Variants in CCDC3 observed in about 807,000 individuals in gnomAD.
CCDC3 encodes the protein coiled-coil domain containing 3.
Under a neutral mutation model 21.4 loss-of-function variants are expected in CCDC3, and 24 were observed. The ratio of observed to expected loss-of-function variants is 1.12; its 90% CI spans 0.81 to 1.58. The LOEUF (loss-of-function observed/expected upper bound fraction) is 1.58. Among genes scored for constraint, CCDC3 ranks in the 40% most tolerant of loss-of-function variants. CCDC3 has a pLI of 0.00. For missense variants in CCDC3, 425 were observed against 360.9 expected, an observed-to-expected ratio of 1.18 and a Z score of -1.44; for synonymous variants, 186 against 166.0, an observed-to-expected ratio of 1.12 and a Z score of -0.93.
chr10:13,050,610 G>A (rs761406780), intron 4 of CCDC3, among the ~76,000 whole-genome samples: 5 of 150,416 alleles, frequency 3.3e-5, no homozygotes, highest in Admixed American at 3.3e-4. Context: ...AGAGGAACAC[G>A]CCACCATGCC....
chr10:13,054,154 C>CAAAAAA (rs71386143), intron 4 of CCDC3, among the ~76,000 whole-genome samples: 8 of 99,900 alleles, frequency 8.0e-5, no homozygotes, highest in Admixed American at 2.3e-4. Context: ...GACTCTGTAT[C>CAAAAAA]AAAAAAAAAA....
intron 2 of CCDC3, among the ~76,000 whole-genome samples, chr10:12,987,651 A>G (rs1286754074): frequency 6.6e-6 from 1 of 152,158 alleles, no homozygotes; most frequent in African/African-American, 2.4e-5. Context: ...TCAACTAGGT[A>G]TGTTATTAAT....
intron 2 of CCDC3, among the ~76,000 whole-genome samples, chr10:12,940,229 G>GT (rs34664068): frequency 0.062 from 6,520 of 105,134 alleles, 177 homozygotes; most frequent in Non-Finnish European, 0.085. Flanking sequence ...CATTGAAATT[G>GT]TTTTTTTTTT....
At chr10:13,019,197 G>GCACT (rs761845659) in intron 5 of CCDC3, among the ~76,000 whole-genome samples, 1 of 152,120 alleles carries the variant, frequency 6.6e-6, no homozygotes, top group Non-Finnish European at 1.5e-5. Context: ...TCGTGCCACT[G>GCACT]CACTTCAGCC....
At position 12,998,444 on chromosome 10, in the gene CCDC3, T is replaced by TC; in HGVS notation, c.442_443insG (p.Gln148ArgfsTer9). 1.2e-6 allele frequency: 2 copies of TC among 1,614,146 alleles called. No individual in the cohort carries two copies. The highest frequency in any genetic ancestry group is 8.5e-7 in the Non-Finnish European group (1 of 1,180,018). ...GCTAGAAAACATCCTTCTGTTCTCT[T>TC]GAGTGTCTGGGAAGATGGCATCTTG... On this transcript the variant is annotated frameshift_variant, in exon 2 of 3. Coordinates refer to ENST00000378825, the MANE Select transcript of CCDC3 (RefSeq NM_031455.4). LOFTEE classifies it high-confidence loss of function.
chr10:13,071,057 A>T (rs1230916048), intron 4 of CCDC3, among the ~76,000 whole-genome samples: 15 of 152,182 alleles, frequency 9.9e-5, no homozygotes, highest in African/African-American at 3.6e-4. Context: ...TATCCTGCAA[A>T]TCCTTCCAGG....
At chr10:12,935,426 C>T (rs1834721335) in intron 2 of CCDC3, among the ~76,000 whole-genome samples, 1 of 152,144 alleles carries the variant, frequency 6.6e-6, no homozygotes, top group African/African-American at 2.4e-5. Flanking sequence ...TTAATTGGTA[C>T]ATTTAGACGA....
At chr10:13,041,880 A>AC (rs1445464341) in intron 5 of CCDC3, among the ~76,000 whole-genome samples, 1 of 151,616 alleles carries the variant, frequency 6.6e-6, no homozygotes, top group Non-Finnish European at 1.5e-5. Context: ...ACCTGCCTCA[A>AC]CCTACCAAAG....
intron 3 of CCDC3, among the ~76,000 whole-genome samples, chr10:13,077,058 G>C (rs1265449341): frequency 5.9e-5 from 9 of 152,176 alleles, no homozygotes; most frequent in Non-Finnish European, 1.3e-4. Context: ...TAGGAAAAGA[G>C]GAAGTCAAAT....
intron 2 of CCDC3, among the ~76,000 whole-genome samples, chr10:12,947,573 A>C (rs942630634): frequency 6.6e-6 from 1 of 152,104 alleles, no homozygotes; most frequent in Non-Finnish European, 1.5e-5. Flanking sequence ...AGGCCACCCT[A>C]TATGGTGTTT....
At chr10:12,933,103 A>G (rs1371604901) in intron 2 of CCDC3, among the ~76,000 whole-genome samples, 1 of 152,102 alleles carries the variant, frequency 6.6e-6, no homozygotes, top group African/African-American at 2.4e-5. Context: ...TTCATGAGAT[A>G]TGGGTCTATT....
chr10:13,088,337 T>G (rs1837137716), intron 3 of CCDC3, among the ~76,000 whole-genome samples: 1 of 152,300 alleles, frequency 6.6e-6, no homozygotes, highest in South Asian at 2.1e-4. Context: ...CTAATTCTAT[T>G]GGAGAGCTGT....
intron 4 of CCDC3, among the ~76,000 whole-genome samples, chr10:13,060,804 G>C (rs572947266): frequency 6.6e-6 from 1 of 152,208 alleles, no homozygotes; most frequent in East Asian, 1.9e-4. Context: ...CCACACCTAG[G>C]GTTCAAATTT....
intron 2 of CCDC3, among the ~76,000 whole-genome samples, chr10:12,902,980 C>T (rs2026307): frequency 3.4e-4 from 52 of 152,222 alleles, no homozygotes; most frequent in African/African-American, 1.2e-3. Flanking sequence ...ATGTGAAAAG[C>T]GTGGATGGGA....
At chr10:13,086,394 T>C (rs1189178420) in intron 3 of CCDC3, among the ~76,000 whole-genome samples, 1 of 152,222 alleles carries the variant, frequency 6.6e-6, no homozygotes, top group Non-Finnish European at 1.5e-5. Flanking sequence ...TATTTAAGAT[T>C]TAAGGCAATT....
intron 5 of CCDC3, among the ~76,000 whole-genome samples, chr10:13,031,645 A>G (rs572294884): frequency 2.6e-4 from 39 of 152,318 alleles, no homozygotes; most frequent in African/African-American, 8.2e-4. Context: ...GCAACAAAAA[A>G]TGATAAAGGG....
intron 3 of CCDC3, among the ~76,000 whole-genome samples, chr10:13,095,903 G>A (rs921950209): frequency 6.6e-6 from 1 of 151,908 alleles, no homozygotes; most frequent in East Asian, 1.9e-4. Flanking sequence ...AAATCCCCTC[G>A]AGTTCCTTTG....
intron 2 of CCDC3, among the ~76,000 whole-genome samples, chr10:12,992,992 T>A (rs1271143069): frequency 6.6e-6 from 1 of 152,156 alleles, no homozygotes; most frequent in East Asian, 1.9e-4. Flanking sequence ...ACCCAATCGA[T>A]TCTGTTGAAT....
intron 2 of CCDC3, among the ~76,000 whole-genome samples, chr10:12,975,444 G>A (rs191723775): frequency 2.6e-4 from 39 of 152,178 alleles, no homozygotes; most frequent in Admixed American, 2.1e-3. Context: ...GATCAGTTTC[G>A]GCAGCCTCTT....
Sources: gnomAD v4.1 joint callset for allele counts (sites outside exome capture counted in the v4.1 genomes callset) on GRCh38, gnomAD v4.1.1 for gene constraint, MANE v1.5 for transcripts, NCBI Gene and HGNC (gene_info 2026-07-23, HGNC 2026-07-21) for gene names.